CHD1L: variants seen among roughly 807,000 people sequenced by gnomAD.
The protein encoded by CHD1L is chromodomain helicase DNA binding protein 1 like.
A neutral mutation model predicts 115.9 loss-of-function variants in CHD1L; 118 were observed. That is an observed-to-expected ratio of 1.02 (90% CI 0.88 to 1.19). CHD1L has a LOEUF of 1.19. Ranked by LOEUF, CHD1L falls within the 50% of genes most tolerant of loss-of-function variation. The pLI is 0.00. For missense variants in CHD1L, 1,179 were observed against 1,065.3 expected (o/e 1.11, Z -1.49); for synonymous variants, 411 against 387.1 (o/e 1.06, Z -0.72).
At chr1:147,255,172 TA>T (rs1278879605) in intron 3 of CHD1L, among the ~76,000 whole-genome samples, 196 bp downstream of exon 3, 5 of 152,320 alleles carry the variant, frequency 3.3e-5, no homozygotes, top group African/African-American at 1.2e-4. Flanking sequence ...TTTGGCAATT[TA>T]AAGGTCAGCA....
At chr1:147,284,191 AGT>A (rs1157758815) in intron 15 of CHD1L, among the ~76,000 whole-genome samples, 158 bp from the exon 16 acceptor site, 2 of 152,188 alleles carry the variant, frequency 1.3e-5, no homozygotes, top group Non-Finnish European at 2.9e-5. Context: ...CACATTCTTC[AGT>A]GTCAGTGGGA....
At chr1:147,294,059 C>T (rs1228698748) in intron 21 of CHD1L, among the ~76,000 whole-genome samples, 2 of 152,124 alleles carry the variant, frequency 1.3e-5, no homozygotes, top group Non-Finnish European at 2.9e-5. Flanking sequence ...TCACAGTTCC[C>T]AATAACAGAC....
rs1196894937 is a variant in CHD1L, at chr1:147,264,461, A to C, written c.616A>C (p.Ile206Leu). ...CAGTCTCCTGTTGACCGGAACTCCC[A>C]TCCAGAACAGCCTCCAAGAGCTCTA... is the stretch of plus-strand genomic sequence containing the variant. ...VFSLLLTGTP[I>L]QNSLQELYSL... The change falls in exon 7 of 23, where the codon ATC (isoleucine) becomes CTC (leucine). Residue 206 changes from isoleucine to leucine, a missense_variant. Transcript: ENST00000369258. The C allele has an allele frequency of 6.2e-6, 10 of 1,613,518 alleles. No individual in the cohort carries two copies. Among genetic ancestry groups the C allele is most frequent in the Non-Finnish European group, 8.5e-6 (10 of 1,179,748 alleles).
rs1039256991 is a variant in CHD1L at position 147,275,231 on chromosome 1, A to G, written c.1271-123A>G. The stretch of plus-strand genomic sequence containing the variant: ...GAGTTAGGGGTGTGGGTCCATTTGA[A>G]GGATGAAGCCAATTGTTTTGACTGA... On this transcript the variant is annotated intron_variant, in intron 12 of 22. Transcript: ENST00000369258. 1.6e-5 allele frequency: 12 copies of G among 730,904 alleles called. No homozygotes were observed. The Admixed American group carries it at 2.0e-4, about 12-fold the overall frequency. The allele number at this position is 730,904 out of a possible 1,614,324, so 45.3% of individuals were successfully genotyped here.
At chr1:147,178,428 G>A in the CHD1L span, 50,867 of 1,611,332 alleles carry the variant, frequency 0.032, 1,171 homozygotes, top group South Asian at 0.09. Context: ...CCCTGAATAT[G>A]TTTAGAGATG....
chr1:147,251,493 A>G (rs185833647), intron 1 of CHD1L, among the ~76,000 whole-genome samples: 2 of 152,234 alleles, frequency 1.3e-5, no homozygotes, highest in African/African-American at 4.8e-5. Context: ...TAGAATCATT[A>G]TAAGCATTAA....
chr1:147,218,014 C>T, the CHD1L span, among the ~76,000 whole-genome samples: 1 of 152,148 alleles, frequency 6.6e-6, no homozygotes. Context: ...GTAAGTTTCA[C>T]AAAATGCATA....
chr1:147,185,453 A>G, the CHD1L span, among the ~76,000 whole-genome samples: 4 of 152,288 alleles, frequency 2.6e-5, no homozygotes, highest in Admixed American at 2.6e-4. Flanking sequence ...CAGTATCACA[A>G]GGATTAGGGA....
intron 21 of CHD1L, 122 bp downstream of exon 21, chr1:147,293,844 A>C: frequency 5.5e-6 from 4 of 733,770 alleles, no homozygotes; most frequent in Non-Finnish European, 9.2e-6. Context: ...GGCAAACCAC[A>C]GAAGTGATCA....
chr1:147,281,968 C>G (rs1450132156), intron 15 of CHD1L, among the ~76,000 whole-genome samples: 1 of 152,290 alleles, frequency 6.6e-6, no homozygotes, highest in African/African-American at 2.4e-5. Context: ...CGTCCACTCT[C>G]CTAGTATTTC....
chr1:147,286,553 A>G (rs1683217853), intron 18 of CHD1L, 53 bp downstream of exon 18: 18 of 1,541,314 alleles, frequency 1.2e-5, no homozygotes, highest in Admixed American at 3.4e-5. Context: ...TATGGTGCCA[A>G]GAACTGGGGA....
chr1:147,284,435 A>G lies in CHD1L; in HGVS notation c.1790A>G (p.Asn597Ser). Reference sequence around the variant, plus strand: ...AGAAAATCATTTGAACAACTGGTAAACCTTCAGAAAACCCTTTTGGAGAAA... The same window carrying G: ...AGAAAATCATTTGAACAACTGGTAAGCCTTCAGAAAACCCTTTTGGAGAAA... ...EDRKSFEQLV[N>S]LQKTLLEKAS... The change falls in exon 16 of 23, where the codon AAC becomes AGC. Residue 597 changes from asparagine (N) to serine (S), a missense_variant. Coordinates refer to ENST00000369258, the MANE Select transcript of CHD1L (RefSeq NM_004284.6). 1 of 1,612,796 alleles carries G rather than the reference A, an allele frequency of 6.2e-7. No individual in the cohort carries two copies. Among genetic ancestry groups the G allele is most frequent in the Non-Finnish European group, 8.5e-7 (1 of 1,179,478 alleles).
chr1:147,250,790 G>A (rs1458231272), intron 1 of CHD1L, among the ~76,000 whole-genome samples: 1 of 151,760 alleles, frequency 6.6e-6, no homozygotes, highest in African/African-American at 2.4e-5. Context: ...TTTCTAGCTG[G>A]AGCAGGCTTG....
intron 9 of CHD1L, among the ~76,000 whole-genome samples, chr1:147,268,371 G>A (rs1319009320): frequency 1.3e-5 from 2 of 152,164 alleles, no homozygotes; most frequent in African/African-American, 4.8e-5. Context: ...GCCAAATAGT[G>A]CTAAGAACTG....
the CHD1L span, chr1:147,175,741 T>C: frequency 6.6e-6 from 1 of 152,290 alleles, no homozygotes; most frequent in African/African-American, 2.4e-5. Flanking sequence ...GAAAATAGGC[T>C]AATACATCTG....
chr1:147,241,552 T>G (rs1327738638), upstream of CHD1L, among the ~76,000 whole-genome samples: 6 of 152,186 alleles, frequency 3.9e-5, no homozygotes, highest in African/African-American at 1.4e-4. Context: ...GCTTTATTGC[T>G]CACACAAAGC....
At chr1:147,207,687 G>C in the CHD1L span, among the ~76,000 whole-genome samples, 1 of 152,184 alleles carries the variant, frequency 6.6e-6, no homozygotes. Flanking sequence ...CATCTTAGAA[G>C]TTAATCTACC....
At chr1:147,287,401 G>C (rs782424179) in intron 18 of CHD1L, among the ~76,000 whole-genome samples, 2 of 152,156 alleles carry the variant, frequency 1.3e-5, no homozygotes, top group Non-Finnish European at 2.9e-5. Flanking sequence ...TTTGCTCATT[G>C]AGAACCCTAA....
the CHD1L span, among the ~76,000 whole-genome samples, chr1:147,207,452 C>G: frequency 1.3e-5 from 2 of 152,160 alleles, no homozygotes; most frequent in East Asian, 1.9e-4. Context: ...TTTTCCCTCC[C>G]TGGTTCTCTG....
Sources: allele counts gnomAD v4.1 joint callset (sites outside exome capture counted in the v4.1 genomes callset), GRCh38; gene constraint gnomAD v4.1.1; transcripts MANE v1.5; gene names NCBI Gene and HGNC (gene_info 2026-07-23, HGNC 2026-07-21).